The following PBX1 variants were observed in gnomAD, a reference collection of about 807,000 sequenced individuals.
PBX1 encodes pre-B-cell leukemia transcription factor 1.
PBX1 carries 6 observed loss-of-function variants against 53.4 expected under a neutral mutation model. That is an observed-to-expected ratio of 0.11 (90% CI 0.06 to 0.22). The LOEUF (loss-of-function observed/expected upper bound fraction) is 0.22. Ranked by LOEUF, PBX1 falls within the 10% of genes least tolerant of loss-of-function variation. The pLI, the probability that PBX1 is intolerant of heterozygous loss-of-function variation, is 1.00. For missense variants in PBX1, 251 were observed against 551.4 expected (o/e 0.46, Z 5.46); for synonymous variants, 204 against 212.3 (o/e 0.96, Z 0.34).
intron 2 of PBX1, among the ~76,000 whole-genome samples, chr1:164,597,642 T>C (rs1435961531): frequency 6.6e-6 from 1 of 152,142 alleles, no homozygotes; most frequent in Non-Finnish European, 1.5e-5. Flanking sequence ...TATGTACTTT[T>C]TCTCCATGAA....
chr1:164,760,933 T>G (rs1366966092), intron 2 of PBX1, among the ~76,000 whole-genome samples: 1 of 152,244 alleles, frequency 6.6e-6, no homozygotes, highest in Non-Finnish European at 1.5e-5. Context: ...GAGCCAAATG[T>G]ATAATCATTG....
chr1:164,849,515 C>A lies in PBX1; in HGVS notation c.*2839C>A. 2 of 1,456,648 alleles carry A rather than the reference C, an allele frequency of 1.4e-6. No individual in the cohort carries two copies. Among genetic ancestry groups the A allele is most frequent in the South Asian group, 1.3e-5 (1 of 78,620 alleles). 90.2% of individuals were successfully genotyped at this position (1,456,648 alleles called of 1,614,324 possible). ...GGGAATTCACATGAGGCCAGTCCTA[C>A]AGAGAGCAAGATGCACCCCAGGATT... On this transcript the variant is annotated 3_prime_UTR_variant, in exon 9 of 9. Coordinates refer to ENST00000420696, the MANE Select transcript of PBX1 (RefSeq NM_002585.4).
At chr1:164,636,150 C>G (rs1214583261) in intron 2 of PBX1, among the ~76,000 whole-genome samples, 1 of 137,290 alleles carries the variant, frequency 7.3e-6, no homozygotes, top group Non-Finnish European at 1.7e-5. Context: ...ATCTTTCTCT[C>G]TCTCTCTTTT....
intron 1 of PBX1, chr1:164,562,748 C>T (rs1417397039): frequency 6.6e-6 from 1 of 152,248 alleles, no homozygotes; most frequent in Admixed American, 6.5e-5. Context: ...ACCTTTCAAG[C>T]ATCTTGTGTT....
chr1:164,862,633 G>T (rs1672127420), intron 2 of PBX1, among the ~76,000 whole-genome samples: 1 of 152,118 alleles, frequency 6.6e-6, no homozygotes, highest in South Asian at 2.1e-4. Flanking sequence ...AACCACCATG[G>T]GCTGGAGATA....
intron 2 of PBX1, among the ~76,000 whole-genome samples, chr1:164,867,402 A>G (rs555297883): frequency 6.6e-6 from 1 of 152,310 alleles, no homozygotes; most frequent in East Asian, 1.9e-4. Context: ...CAGCTCAGAG[A>G]CCATGCAGAA....
rs1013914189 is a variant in PBX1 at position 164,851,607 on chromosome 1, T to G, written c.*4931T>G. ...TTTTATTCTCCCCCTACCCCTCCCCTTTTCTTATTATTCAGAATATAAACC... is the reference window on the plus strand; with the variant it reads ...TTTTATTCTCCCCCTACCCCTCCCCGTTTCTTATTATTCAGAATATAAACC... On this transcript the variant is annotated 3_prime_UTR_variant, in exon 9 of 9. Transcript: ENST00000420696. The G allele has an allele frequency of 2.1e-5, 4 of 186,208 alleles. No individual in the cohort carries two copies. Among genetic ancestry groups the G allele is most frequent in the Non-Finnish European group, 4.5e-5 (4 of 88,032 alleles). The allele number at this position is 186,208 out of a possible 1,614,324, so 11.5% of individuals were successfully genotyped here. A position where few individuals can be genotyped will look rare whatever the true frequency, so the allele number is the denominator to read the frequency against.
chr1:164,639,007 T>C (rs1190152455), intron 2 of PBX1, among the ~76,000 whole-genome samples: 6 of 152,066 alleles, frequency 3.9e-5, no homozygotes. Context: ...GTAGCCAGAG[T>C]ACAGGCTTGG....
At chr1:164,622,879 C>T (rs898571674) in intron 2 of PBX1, among the ~76,000 whole-genome samples, 3 of 143,894 alleles carry the variant, frequency 2.1e-5, no homozygotes, top group African/African-American at 7.8e-5. Flanking sequence ...GGCTGGAGTG[C>T]ACTTGGCTCA....
chr1:164,570,251 T>C (rs1653752088), intron 2 of PBX1, among the ~76,000 whole-genome samples: 1 of 152,148 alleles, frequency 6.6e-6, no homozygotes. Flanking sequence ...AACACGTGTG[T>C]GGAACGTGCA....
chr1:164,568,746 C>T (rs559613365), intron 2 of PBX1, among the ~76,000 whole-genome samples: 14 of 152,298 alleles, frequency 9.2e-5, no homozygotes, highest in South Asian at 6.2e-4. Flanking sequence ...AATCGATCGT[C>T]GCTCATGAGG....
chr1:164,853,599 T>C (rs7550432), downstream of PBX1, among the ~76,000 whole-genome samples: 55,617 of 152,016 alleles, frequency 0.37, 10,783 homozygotes, highest in African/African-American at 0.49. Flanking sequence ...TGTAAGAATG[T>C]GAGAGAAACG....
chr1:164,594,287 AAG>A (rs1655604714), intron 2 of PBX1, among the ~76,000 whole-genome samples: 1 of 152,146 alleles, frequency 6.6e-6, no homozygotes, highest in Non-Finnish European at 1.5e-5. Flanking sequence ...CACTGAGAAA[AAG>A]AGAGATACTT....
intron 6 of PBX1, chr1:164,812,844 A>G (rs903193974): frequency 7.0e-6 from 1 of 142,862 alleles, no homozygotes; most frequent in Non-Finnish European, 1.6e-5. Flanking sequence ...CAGAATTTCT[A>G]CATGTGAAAA....
intron 2 of PBX1, among the ~76,000 whole-genome samples, chr1:164,739,361 C>G (rs914859010): frequency 6.6e-6 from 1 of 152,068 alleles, no homozygotes; most frequent in Non-Finnish European, 1.5e-5. Context: ...ACCTCGGCTG[C>G]TGATGTGTTA....
chr1:164,603,163 A>AT (rs66915947), intron 2 of PBX1, among the ~76,000 whole-genome samples: 78,086 of 147,856 alleles, frequency 0.53, 20,308 homozygotes, highest in African/African-American at 0.54. Context: ...GGGAAGCAGC[A>AT]TTTTTTTTTT....
intron 2 of PBX1, among the ~76,000 whole-genome samples, chr1:164,705,890 T>TG (rs1285432113): frequency 1.3e-5 from 2 of 152,260 alleles, no homozygotes; most frequent in African/African-American, 2.4e-5. Flanking sequence ...TGCCTGATGT[T>TG]ATTCAAGTAC....
chr1:164,801,979 T>C (rs1669102362), intron 4 of PBX1, among the ~76,000 whole-genome samples: 1 of 152,180 alleles, frequency 6.6e-6, no homozygotes, highest in Admixed American at 6.5e-5. Context: ...GCAAACTTAG[T>C]AAGAAAGACA....
At chr1:164,646,265 T>A (rs1357961504) in intron 2 of PBX1, among the ~76,000 whole-genome samples, 1 of 152,202 alleles carries the variant, frequency 6.6e-6, no homozygotes, top group Non-Finnish European at 1.5e-5. Context: ...AAATCCCATT[T>A]TAATCCTCAC....
Sources: gnomAD v4.1 joint callset for allele counts (sites outside exome capture counted in the v4.1 genomes callset) on GRCh38, gnomAD v4.1.1 for gene constraint, MANE v1.5 for transcripts, NCBI Gene and HGNC (gene_info 2026-07-23, HGNC 2026-07-21) for gene names.